Variants in THSD4 observed in about 807,000 individuals in gnomAD.
THSD4 encodes the protein thrombospondin type 1 domain containing 4, also known as thrombospondin type-1 domain-containing protein 4.
Under a neutral mutation model 119.0 loss-of-function variants are expected in THSD4, and 69 were observed. The observed-to-expected ratio is 0.58, with a 90% CI of 0.48 to 0.71. THSD4 has a LOEUF of 0.71. Among genes scored for constraint, THSD4 ranks in the 30% least tolerant of loss-of-function variants. The probability of loss-of-function intolerance (pLI) is 0.00; values close to 1 mark genes in which losing one functional copy is unlikely to be tolerated. For missense variants in THSD4, 1,393 were observed against 1,391.1 expected (o/e 1.00, Z -0.02); for synonymous variants, 524 against 540.4 (o/e 0.97, Z 0.42).
chr15:71,474,308 C>T (rs914795521), intron 7 of THSD4, among the ~76,000 whole-genome samples: 7 of 151,990 alleles, frequency 4.6e-5, no homozygotes, highest in Non-Finnish European at 7.4e-5. Context: ...CAACCTCTGC[C>T]GCCTGGGTTC....
intron 7 of THSD4, among the ~76,000 whole-genome samples, chr15:71,556,597 TG>T (rs2049022003): frequency 6.6e-6 from 1 of 151,184 alleles, no homozygotes; most frequent in African/African-American, 2.5e-5. Flanking sequence ...TAATAATAAT[TG>T]AAAAATAGAA....
chr15:71,154,802 C>A, intron 2 of THSD4, 61 bp from the exon 3 acceptor site: 1 of 1,557,788 alleles, frequency 6.4e-7, no homozygotes, highest in Non-Finnish European at 8.9e-7. Context: ...TGCTGCCTTC[C>A]CTGGGTGCTG....
chr15:71,306,763 G>T (rs1407157651), intron 6 of THSD4, among the ~76,000 whole-genome samples: 1 of 152,170 alleles, frequency 6.6e-6, no homozygotes, highest in East Asian at 1.9e-4. Flanking sequence ...GAGAAGTCCT[G>T]CAGTTCAAAA....
In THSD4 at chr15:71,746,950, T is replaced by G; in HGVS notation, c.2149T>G (p.Tyr717Asp). The change falls in exon 13 of 18, where the codon TAC becomes GAC. Residue 717 changes from tyrosine (Y) to aspartate (D), a missense_variant. Coordinates refer to ENST00000261862, the MANE Select transcript of THSD4 (RefSeq NM_024817.3). ...CAACCGCAGCCTGACGGTGCAGCCC[T>G]ACCGCTGCCAGCACCTGGAGAAACC... is the stretch of plus-strand genomic sequence containing the variant. ...YANRSLTVQPYRCQHLEKPET... is the reference protein window; with the variant it reads ...YANRSLTVQPDRCQHLEKPET... 1 of 1,613,860 alleles carries G rather than the reference T, an allele frequency of 6.2e-7. No individual in the cohort carries two copies. The highest frequency in any genetic ancestry group is 8.5e-7 in the Non-Finnish European group (1 of 1,180,010).
chr15:71,679,098 C>T (rs1370428132), intron 8 of THSD4, among the ~76,000 whole-genome samples: 1 of 152,104 alleles, frequency 6.6e-6, no homozygotes, highest in Admixed American at 6.5e-5. Context: ...CTACTGTGTA[C>T]AATATATTAT....
intron 2 of THSD4, among the ~76,000 whole-genome samples, chr15:71,150,115 A>G (rs1330444501): frequency 6.6e-6 from 1 of 152,174 alleles, no homozygotes; most frequent in Non-Finnish European, 1.5e-5. Flanking sequence ...TGTTTGCCAA[A>G]GGCCCTGGTA....
intron 6 of THSD4, among the ~76,000 whole-genome samples, chr15:71,350,788 T>C (rs989897774): frequency 6.6e-6 from 1 of 152,108 alleles, no homozygotes; most frequent in Non-Finnish European, 1.5e-5. Context: ...AACAAGGATG[T>C]GCCATTACCA....
rs1297389041 is a variant in THSD4, at chr15:71,596,375, T to A, written c.1153-64155T>A. On this transcript the variant is annotated intron_variant, in intron 7 of 17. Coordinates refer to ENST00000261862, the MANE Select transcript of THSD4 (RefSeq NM_024817.3). Reference sequence around the variant, plus strand: ...GATAATTATCCAAAGGCCTTTTTTTTATGAAAGTCTTCCACCACATTCCAG... The same window carrying A: ...GATAATTATCCAAAGGCCTTTTTTTAATGAAAGTCTTCCACCACATTCCAG... 5.3e-5 allele frequency among the ~76,000 whole-genome samples: 8 copies of A among 152,204 alleles called. No homozygotes were observed. In the East Asian group the frequency reaches 7.7e-4, roughly 15 times the overall value.
chr15:71,737,695 G>A, intron 10 of THSD4, 37 bp from the exon 11 acceptor site: 1 of 1,558,090 alleles, frequency 6.4e-7, no homozygotes, highest in South Asian at 1.2e-5. Flanking sequence ...GGTCTAAACT[G>A]ATCCTGATTC....
At chr15:71,375,558 A>G (rs895914855) in intron 6 of THSD4, among the ~76,000 whole-genome samples, 8 of 152,070 alleles carry the variant, frequency 5.3e-5, no homozygotes, top group Non-Finnish European at 1.0e-4. Context: ...GGCACAATAC[A>G]TGTTTGTTGA....
At chr15:71,654,898 A>G (rs2051159244) in intron 7 of THSD4, among the ~76,000 whole-genome samples, 1 of 152,188 alleles carries the variant, frequency 6.6e-6, no homozygotes, top group African/African-American at 2.4e-5. Context: ...CAGGACCTCC[A>G]CTATCTGAAT....
rs117134367 is a variant in THSD4, at chr15:71,364,100, C to A, written c.1016-47587C>A. 2.8e-4 allele frequency among the ~76,000 whole-genome samples: 43 copies of A among 152,274 alleles called. No individual in the cohort carries two copies. The East Asian group carries it at 7.5e-3, about 27-fold the overall frequency. On this transcript the variant is annotated intron_variant, in intron 6 of 17. Transcript: ENST00000261862. ...TGGGAATACAAGGTGAAAAGAGACG[C>A]CTTCACCAGAAGTAACCTAGTTGAG...
chr15:71,244,645 C>T (rs904896338), intron 5 of THSD4, among the ~76,000 whole-genome samples: 3 of 152,138 alleles, frequency 2.0e-5, no homozygotes, highest in African/African-American at 4.8e-5. Flanking sequence ...GTAGGTGTCA[C>T]GGAGAATAAC....
intron 6 of THSD4, among the ~76,000 whole-genome samples, chr15:71,363,720 C>T (rs560527317): frequency 3.9e-5 from 6 of 152,242 alleles, no homozygotes; most frequent in African/African-American, 9.6e-5. Context: ...ATCAGGTATG[C>T]GGAAAGGAAT....
At chr15:71,145,147 A>C (rs1025247257) in intron 2 of THSD4, among the ~76,000 whole-genome samples, 4 of 152,112 alleles carry the variant, frequency 2.6e-5, no homozygotes, top group Non-Finnish European at 5.9e-5. Flanking sequence ...AAATCTCTGG[A>C]GCCAGTCTGC....
chr15:71,579,760 AGC>A (rs2049522903), intron 7 of THSD4, among the ~76,000 whole-genome samples: 1 of 152,232 alleles, frequency 6.6e-6, no homozygotes, highest in Non-Finnish European at 1.5e-5. Flanking sequence ...GTAAAACAAT[AGC>A]AATGAGAGAC....
intron 8 of THSD4, among the ~76,000 whole-genome samples, chr15:71,675,621 A>G (rs2141020964): frequency 6.6e-6 from 1 of 152,242 alleles, no homozygotes; most frequent in African/African-American, 2.4e-5. Flanking sequence ...CTGGAGTCAT[A>G]TTACTACTCA....
At chr15:71,326,700 AATATATATAT>A (rs71154759) in intron 6 of THSD4, among the ~76,000 whole-genome samples, 8 of 6,442 alleles carry the variant, frequency 1.2e-3, no homozygotes, top group Non-Finnish European at 1.8e-3. Flanking sequence ...AAAAAAAAAA[AATATATATAT>A]ATATATATAT....
chr15:71,499,512 A>C (rs1022066618), intron 7 of THSD4, among the ~76,000 whole-genome samples: 22 of 151,646 alleles, frequency 1.5e-4, no homozygotes, highest in African/African-American at 4.8e-4. Flanking sequence ...AAAAAAAAAA[A>C]ACATAAAATT....
Sources: gnomAD v4.1 joint callset for allele counts (sites outside exome capture counted in the v4.1 genomes callset) on GRCh38, gnomAD v4.1.1 for gene constraint, MANE v1.5 for transcripts, NCBI Gene and HGNC (gene_info 2026-07-23, HGNC 2026-07-21) for gene names.